The following GUF1 variants were observed in gnomAD, a reference collection of about 807,000 sequenced individuals.
GUF1 encodes the protein translation factor GUF1, mitochondrial.
In GUF1, 78 loss-of-function variants were observed where a neutral mutation model predicts 82.4. The ratio of observed to expected loss-of-function variants is 0.95; its 90% CI spans 0.79 to 1.14. The LOEUF (loss-of-function observed/expected upper bound fraction) is 1.14, where lower values mean the gene tolerates loss of function less well. GUF1 is among the 50% of genes most tolerant of loss of function. GUF1 has a pLI of 0.00. For missense variants in GUF1, 814 were observed against 798.2 expected, an observed-to-expected ratio of 1.02 and a Z score of -0.24; for synonymous variants, 279 against 282.3, an observed-to-expected ratio of 0.99 and a Z score of 0.12.
intron 8 of GUF1, among the ~76,000 whole-genome samples, chr4:44,686,984 A>G (rs537920109): frequency 3.0e-4 from 45 of 152,038 alleles, no homozygotes; most frequent in African/African-American, 9.9e-4. Flanking sequence ...TGATGAGACA[A>G]TGAAAGAGTT....
In GUF1 at chr4:44,698,828, C is replaced by T. The variant is rs1577572619; in HGVS notation, c.*147C>T. 1.7e-5 allele frequency: 11 copies of T among 660,482 alleles called. No homozygotes were observed. In the South Asian group the frequency reaches 2.3e-4, roughly 14 times the overall value. The allele number at this position is 660,482 out of a possible 1,614,324, so 40.9% of individuals were successfully genotyped here. A position where few individuals can be genotyped will look rare whatever the true frequency, so the allele number is the denominator to read the frequency against. On this transcript the variant is annotated 3_prime_UTR_variant, in exon 17 of 17. Coordinates refer to ENST00000281543, the MANE Select transcript of GUF1 (RefSeq NM_021927.3). Reference sequence around the variant, plus strand: ...TGAAAGGGAGTAGTTAGTGGGTAGGCAAGAGCTTAGATTTTGAAGCCATGT... The same window carrying T: ...TGAAAGGGAGTAGTTAGTGGGTAGGTAAGAGCTTAGATTTTGAAGCCATGT...
rs534755874 is a variant in GUF1, at chr4:44,684,939, G to A, written c.670-1020G>A. Reference sequence around the variant, plus strand: ...GTAATGTTAAGCTGTTCTGTATATGGGCATAGAAAAAACACATAATTGGAT... The same window carrying A: ...GTAATGTTAAGCTGTTCTGTATATGAGCATAGAAAAAACACATAATTGGAT... On this transcript the variant is annotated intron_variant, in intron 6 of 16. Coordinates refer to ENST00000281543, the MANE Select transcript of GUF1 (RefSeq NM_021927.3). 1.1e-4 allele frequency among the ~76,000 whole-genome samples: 17 copies of A among 152,084 alleles called. No homozygotes were observed. The South Asian group carries it at 3.5e-3, about 32-fold the overall frequency.
chr4:44,678,784 C>T lies in GUF1; in HGVS notation c.162C>T (p.Phe54=). Residue 54 remains phenylalanine, a synonymous_variant, in exon 1 of 17, where the codon TTC becomes TTT. Transcript: ENST00000281543. The part of the protein sequence containing the change: ...ATDRLYSSAE[F]KEKLDMSRFP... Reference sequence around the variant, plus strand: ...ACAGGCTCTACAGCTCCGCAGAATTCAAGGTGACTGCCCCCTGGAATCTGA... The same window carrying T: ...ACAGGCTCTACAGCTCCGCAGAATTTAAGGTGACTGCCCCCTGGAATCTGA... 1 of 1,551,640 alleles carries T rather than the reference C, an allele frequency of 6.4e-7. No individual in the cohort carries two copies. Among genetic ancestry groups the T allele is most frequent in the Non-Finnish European group, 8.6e-7 (1 of 1,156,116 alleles).
In GUF1 at chr4:44,698,609, G is replaced by A; in HGVS notation, c.1938G>A (p.Leu646=). The A allele has an allele frequency of 6.2e-7, 1 of 1,611,092 alleles. No homozygotes were observed. The highest frequency in any genetic ancestry group is 8.5e-7 in the Non-Finnish European group (1 of 1,178,926). The change falls in exon 17 of 17, where the codon CTG becomes CTA. Residue 646 remains leucine, a synonymous_variant. Coordinates refer to ENST00000281543, the MANE Select transcript of GUF1 (RefSeq NM_021927.3). ...GACAAGCAGAAGGGAAAAAAAAGCT[G>A]AGGAAAATTGGCAACGTTGAAGTTC... ...LKRQAEGKKK[L]RKIGNVEVPK...
Position 44,686,416 on chromosome 4 carries a change from A to G in GUF1, c.735-94A>G, listed in dbSNP as rs903413814. ...AGGCTGTTGTGTATCAAACTTTCTC[A>G]AGAACTCAAGTACAATATCTAAGTT... On this transcript the variant is annotated intron_variant, in intron 7 of 16. Transcript: ENST00000281543. 36 of 720,474 alleles carry G rather than the reference A, an allele frequency of 5.0e-5. 1 individual carries two copies. In the South Asian group the frequency reaches 9.9e-4, roughly 20 times the overall value. 44.6% of individuals were successfully genotyped at this position (720,474 alleles called of 1,614,324 possible).
rs1450000519 is a variant in GUF1 at position 44,681,025 on chromosome 4, T to G, written c.427-98T>G. On this transcript the variant is annotated intron_variant, in intron 3 of 16. Transcript: ENST00000281543. ...CAGGCTACAAAAAAGAAACGAATAT[T>G]TAACAGCTTTTATCAAGTAAAGTCA... 3.3e-6 allele frequency: 4 copies of G among 1,201,402 alleles called. No homozygotes were observed. The African/African-American group carries it at 6.1e-5, about 18-fold the overall frequency. 74.4% of individuals were successfully genotyped at this position (1,201,402 alleles called of 1,614,324 possible).
intron 15 of GUF1, among the ~76,000 whole-genome samples, chr4:44,696,668 A>G (rs1715847668): frequency 6.6e-6 from 1 of 152,186 alleles, no homozygotes; most frequent in South Asian, 2.1e-4. Flanking sequence ...TTTTAGGCCC[A>G]CTGTTTGAAA....
At chr4:44,697,618 T>C (rs1156309677) in intron 16 of GUF1, among the ~76,000 whole-genome samples, 174 bp downstream of exon 16, 1 of 152,144 alleles carries the variant, frequency 6.6e-6, no homozygotes, top group African/African-American at 2.4e-5. Flanking sequence ...TTTGCCCATA[T>C]CTTTTAAGTA....
At position 44,686,708 on chromosome 4, in the gene GUF1, T is replaced by A; in HGVS notation, c.933T>A (p.His311Gln). Residue 311 changes from histidine to glutamine, a missense_variant, in exon 8 of 17, where the codon CAT becomes CAA. By Grantham distance (24) the His-to-Gln change is conservative (BLOSUM62 0). Coordinates refer to ENST00000281543, the MANE Select transcript of GUF1 (RefSeq NM_021927.3). ...GVLNPNEQPT[H>Q]KLYAGQVGYL... is the part of the protein sequence containing the mutation. ...TGAATCCTAATGAGCAGCCAACTCA[T>A]AAATTGTAAGTAATCTGCATTAGTA... 1 of 1,596,834 alleles carries A rather than the reference T, an allele frequency of 6.3e-7. No homozygotes were observed. Among genetic ancestry groups the A allele is most frequent in the Non-Finnish European group, 8.6e-7 (1 of 1,164,866 alleles).
intron 12 of GUF1, among the ~76,000 whole-genome samples, 159 bp downstream of exon 12, chr4:44,691,019 A>G (rs1220345350): frequency 1.3e-5 from 2 of 151,678 alleles, no homozygotes; most frequent in Admixed American, 6.6e-5. Flanking sequence ...AGATATGTAT[A>G]CTTTTTAAAT....
At position 44,688,121 on chromosome 4, in the gene GUF1, A is replaced by C. The variant is rs1715182324; in HGVS notation, c.1053A>C (p.Lys351Asn). The C allele has an allele frequency of 1.2e-6, 2 of 1,611,652 alleles. No homozygotes were observed. The highest frequency in any genetic ancestry group is 2.7e-5 in the African/African-American group (2 of 74,756). ...KQPVEPLPGF[K>N]SAKPMVFAGM... ...CAGTGGAGCCCTTGCCTGGGTTTAA[A>C]TCAGCGAAACCAATGGTATTTGCAG... is the stretch of plus-strand genomic sequence containing the variant. Residue 351 changes from lysine to asparagine, a missense_variant, in exon 9 of 17, where the codon AAA (lysine) becomes AAC (asparagine). Physicochemically the swap from Lys to Asn is moderately conservative, Grantham distance 94. Transcript: ENST00000281543.
Position 44,691,731 on chromosome 4 carries a change from CT to C in GUF1, c.1548del (p.Pro517LeufsTer2), listed in dbSNP as rs751419005. On this transcript the variant is annotated frameshift_variant, in exon 13 of 17. Coordinates refer to ENST00000281543, the MANE Select transcript of GUF1 (RefSeq NM_021927.3). LOFTEE classifies it high-confidence loss of function. The stretch of plus-strand genomic sequence containing the variant: ...AAAATAGAGTTATGCTTAAATATCT[CT>C]TTCCTTTGAATGAAATTGTGGTAGA... ...DQNRVMLKYL[F>X]PLNEIVVDFY... 11 of 1,582,682 alleles carry C rather than the reference CT, an allele frequency of 7.0e-6. No homozygotes were observed. Among genetic ancestry groups the C allele is most frequent in the Non-Finnish European group, 9.5e-6 (11 of 1,155,988 alleles).
At chr4:44,690,088 T>G in intron 11 of GUF1, 113 bp downstream of exon 11, 1 of 636,826 alleles carries the variant, frequency 1.6e-6, no homozygotes, top group African/African-American at 1.9e-5. Context: ...AATAGCTGAT[T>G]AAGTATTAAA....
chr4:44,691,768 T>C lies in GUF1; in HGVS notation c.1582T>C (p.Ser528Pro), dbSNP rs1560346780. The change falls in exon 13 of 17, where the codon TCT becomes CCT. Residue 528 changes from serine to proline, a missense_variant. Physicochemically the swap from Ser to Pro is moderately conservative, Grantham distance 74 (BLOSUM62 -1). Coordinates refer to ENST00000281543, the MANE Select transcript of GUF1 (RefSeq NM_021927.3). ...TGAAATTGTGGTAGATTTTTATGAC[T>C]CTTTGAAATCCCTATCTTCTGGATA... ...LNEIVVDFYDSLKSLSSGYAS... is the reference protein window; with the variant it reads ...LNEIVVDFYDPLKSLSSGYAS... The C allele has an allele frequency of 1.9e-6, 3 of 1,596,324 alleles. No homozygotes were observed. The highest frequency in any genetic ancestry group is 2.6e-6 in the Non-Finnish European group (3 of 1,171,232).
rs561585320 is a variant in GUF1, at chr4:44,678,740, C to T, written c.118C>T (p.Pro40Ser). 9 of 1,539,836 alleles carry T rather than the reference C, an allele frequency of 5.8e-6. No homozygotes were observed. In the East Asian group the frequency reaches 2.3e-4, roughly 40 times the overall value. ...GTCCGCGCCGACCCTTGGGGCTGCT[C>T]CAGAGTCCTGGGCTACCGACAGGCT... is the stretch of plus-strand genomic sequence containing the variant. ...PRSAPTLGAA[P>S]ESWATDRLYS... Residue 40 changes from proline (P) to serine (S), a missense_variant, in exon 1 of 17, where the codon CCA (proline) becomes TCA (serine). By Grantham distance (74) the Pro-to-Ser change is moderately conservative (BLOSUM62 -1). Coordinates refer to ENST00000281543, the MANE Select transcript of GUF1 (RefSeq NM_021927.3).
intron 13 of GUF1, among the ~76,000 whole-genome samples, chr4:44,693,261 C>G (rs540335113): frequency 6.6e-6 from 1 of 152,040 alleles, no homozygotes; most frequent in South Asian, 2.1e-4. Context: ...CCTATGTTTT[C>G]AATAGAGGTT....
intron 8 of GUF1, among the ~76,000 whole-genome samples, chr4:44,687,358 G>A (rs1217464996): frequency 4.0e-5 from 6 of 151,636 alleles, no homozygotes; most frequent in Admixed American, 3.3e-4. Context: ...TCTAAAAACA[G>A]CACTATATTG....
In GUF1 at chr4:44,689,357, T is replaced by G. The variant is rs773206700; in HGVS notation, c.1150T>G (p.Ser384Ala). The G allele has an allele frequency of 1.2e-6, 2 of 1,610,558 alleles. No homozygotes were observed. Among genetic ancestry groups the G allele is most frequent in the South Asian group, 1.1e-5 (1 of 90,884 alleles). Residue 384 changes from serine to alanine, a missense_variant, in exon 10 of 17, where the codon TCC (serine) becomes GCC (alanine). By Grantham distance (99) the Ser-to-Ala change is moderately conservative. Transcript: ENST00000281543. ...TATAGAAAAACTGACTTTAAATGAT[T>G]CCAGTGTGACCGTTCATCGGGATAG... ...SAIEKLTLND[S>A]SVTVHRDSSL...
chr4:44,682,257 A>T, intron 4 of GUF1, 77 bp from the exon 5 acceptor site: 2 of 689,236 alleles, frequency 2.9e-6, no homozygotes, highest in Non-Finnish European at 4.6e-6. Flanking sequence ...GAAGATGTAT[A>T]GAATGGTCTT....
Sources: gnomAD v4.1 joint callset for allele counts (sites outside exome capture counted in the v4.1 genomes callset) on GRCh38, gnomAD v4.1.1 for gene constraint, MANE v1.5 for transcripts, NCBI Gene and HGNC (gene_info 2026-07-23, HGNC 2026-07-21) for gene names.